The following ERICH1 variants were observed in gnomAD, a reference collection of about 807,000 sequenced individuals.
The protein encoded by ERICH1 is glutamate rich 1.
A neutral mutation model predicts 39.6 loss-of-function variants in ERICH1; 56 were observed. That is an observed-to-expected ratio of 1.41 (90% CI 1.14 to 1.77). ERICH1 has a LOEUF of 1.77. Ranked by LOEUF, ERICH1 falls within the 40% of genes most tolerant of loss-of-function variation. ERICH1 has a pLI of 0.00. For missense variants in ERICH1, 826 were observed against 575.4 expected, an observed-to-expected ratio of 1.44 and a Z score of -4.45; for synonymous variants, 313 against 223.6, an observed-to-expected ratio of 1.40 and a Z score of -3.57.
chr8:703,162 T>C (rs1812536532), intron 2 of ERICH1, among the ~76,000 whole-genome samples: 1 of 152,132 alleles, frequency 6.6e-6, no homozygotes, highest in South Asian at 2.1e-4. Flanking sequence ...CTGTGGGAAA[T>C]GCAGTTCAGC....
At chr8:703,030 A>G (rs1812502389) in intron 2 of ERICH1, among the ~76,000 whole-genome samples, 1 of 152,230 alleles carries the variant, frequency 6.6e-6, no homozygotes, top group South Asian at 2.1e-4. Context: ...AACAATGCAC[A>G]TGAGCTGCGT....
chr8:617,112 C>G (rs960845478), intron 3 of ERICH1, among the ~76,000 whole-genome samples: 3 of 152,154 alleles, frequency 2.0e-5, no homozygotes, highest in East Asian at 1.9e-4. Context: ...GCATATTATT[C>G]CAGTTTAGCT....
chr8:628,135 T>G (rs1797707205), intron 3 of ERICH1, among the ~76,000 whole-genome samples: 1 of 152,100 alleles, frequency 6.6e-6, no homozygotes, highest in Non-Finnish European at 1.5e-5. Flanking sequence ...CAACATGGCT[T>G]CTTGAGACTT....
At chr8:716,646 T>G (rs1225628228) in intron 1 of ERICH1, among the ~76,000 whole-genome samples, 1 of 152,226 alleles carries the variant, frequency 6.6e-6, no homozygotes, top group African/African-American at 2.4e-5. Context: ...ACGGTCATAA[T>G]GAATAAATAT....
chr8:697,691 C>T (rs1045627176), intron 2 of ERICH1, among the ~76,000 whole-genome samples: 1 of 152,126 alleles, frequency 6.6e-6, no homozygotes, highest in African/African-American at 2.4e-5. Context: ...CACACAGCCC[C>T]CGCCCCCGCC....
chr8:627,268 T>G (rs757836997), intron 3 of ERICH1: 27 of 455,196 alleles, frequency 5.9e-5, no homozygotes, highest in Non-Finnish European at 6.6e-5. Flanking sequence ...ACACTTACCT[T>G]ACAGGATTGA....
intron 3 of ERICH1, among the ~76,000 whole-genome samples, chr8:686,984 A>T (rs1005375518): frequency 4.6e-5 from 7 of 152,246 alleles, no homozygotes; most frequent in Non-Finnish European, 8.8e-5. Context: ...GCCACTCTGG[A>T]AAGGCTAAGA....
intron 3 of ERICH1, among the ~76,000 whole-genome samples, chr8:631,254 T>C (rs1798020587): frequency 1.3e-5 from 2 of 152,224 alleles, no homozygotes; most frequent in African/African-American, 4.8e-5. Flanking sequence ...GCCCACACAC[T>C]GGTGGTGCCC....
intron 2 of ERICH1, among the ~76,000 whole-genome samples, chr8:699,681 G>A (rs1289706457): frequency 1.3e-5 from 2 of 150,028 alleles, no homozygotes; most frequent in African/African-American, 2.5e-5. Flanking sequence ...ACCCGCACAC[G>A]TGCACAGACT....
intron 2 of ERICH1, among the ~76,000 whole-genome samples, chr8:708,607 A>G (rs908166097): frequency 6.6e-5 from 10 of 151,886 alleles, no homozygotes; most frequent in Non-Finnish European, 1.3e-4. Context: ...ACAAATCTAT[A>G]AAGAAAACAG....
intron 2 of ERICH1, among the ~76,000 whole-genome samples, chr8:705,404 C>G (rs1813043289): frequency 6.6e-6 from 1 of 152,200 alleles, no homozygotes; most frequent in Non-Finnish European, 1.5e-5. Flanking sequence ...CAAGACTTCT[C>G]TTTTTCCAGA....
At chr8:730,733 G>A (rs1819791847) in intron 1 of ERICH1, among the ~76,000 whole-genome samples, 2 of 152,370 alleles carry the variant, frequency 1.3e-5, no homozygotes, top group South Asian at 4.1e-4. Flanking sequence ...AGGTTCTGCT[G>A]TACTTTTCGG....
intron 3 of ERICH1, among the ~76,000 whole-genome samples, chr8:630,266 C>A (rs1797917519): frequency 7.8e-6 from 1 of 128,008 alleles, no homozygotes; most frequent in East Asian, 2.3e-4. Flanking sequence ...CTCCCGTGAC[C>A]ACCCACAGGC....
intron 1 of ERICH1, among the ~76,000 whole-genome samples, chr8:724,424 C>T (rs1818085719): frequency 6.6e-6 from 1 of 152,216 alleles, no homozygotes; most frequent in South Asian, 2.1e-4. Context: ...AAACACCTTA[C>T]CTTCACGGGC....
intron 1 of ERICH1, among the ~76,000 whole-genome samples, chr8:727,807 T>TG (rs1456783879): frequency 6.6e-6 from 1 of 152,166 alleles, no homozygotes; most frequent in African/African-American, 2.4e-5. Flanking sequence ...CTGGCACCAC[T>TG]GGACCACCTT....
chr8:698,001 CG>C (rs1461252519), intron 2 of ERICH1, among the ~76,000 whole-genome samples: 1 of 152,092 alleles, frequency 6.6e-6, no homozygotes, highest in Non-Finnish European at 1.5e-5. Flanking sequence ...GGAGAGCTCA[CG>C]GGGGCCACCG....
At chr8:730,843 G>A (rs958254343) in intron 1 of ERICH1, among the ~76,000 whole-genome samples, 1 of 152,194 alleles carries the variant, frequency 6.6e-6, no homozygotes, top group Non-Finnish European at 1.5e-5. Flanking sequence ...CAGGGGCTCT[G>A]CTAAGAACAC....
chr8:706,627 A>G (rs1055294054), intron 2 of ERICH1, among the ~76,000 whole-genome samples: 5 of 152,066 alleles, frequency 3.3e-5, no homozygotes, highest in Non-Finnish European at 7.4e-5. Context: ...AATACAAAAA[A>G]AATTAGTCGG....
chr8:689,295 G>A (rs1297185440), intron 3 of ERICH1, among the ~76,000 whole-genome samples: 2 of 152,168 alleles, frequency 1.3e-5, no homozygotes, highest in Admixed American at 1.3e-4. Flanking sequence ...TATTTTAGTA[G>A]AGACAGGGTT....
Sources: allele counts gnomAD v4.1 joint callset (sites outside exome capture counted in the v4.1 genomes callset), GRCh38; gene constraint gnomAD v4.1.1; transcripts MANE v1.5; gene names NCBI Gene and HGNC (gene_info 2026-07-23, HGNC 2026-07-21).